Variants in PLCH1 observed in about 807,000 individuals in gnomAD.
PLCH1 encodes phospholipase C eta 1, also known as 1-phosphatidylinositol 4,5-bisphosphate phosphodiesterase eta-1.
PLCH1 carries 60 observed loss-of-function variants against 126.7 expected under a neutral mutation model. The ratio of observed to expected loss-of-function variants is 0.47; its 90% CI spans 0.38 to 0.59. PLCH1 has a LOEUF of 0.59. Ranked by LOEUF, PLCH1 falls within the 20% of genes least tolerant of loss-of-function variation. The probability of loss-of-function intolerance (pLI) is 0.00; values close to 1 mark genes in which losing one functional copy is unlikely to be tolerated. For synonymous variants in PLCH1, 719 were observed against 734.9 expected (o/e 0.98, Z 0.35); for missense variants, 1,723 against 2,040.0 (o/e 0.84, Z 2.99).
At chr3:155,741,684 CTTTTTTT>C (rs71624571) in intron 1 of PLCH1, among the ~76,000 whole-genome samples, 9 of 102,868 alleles carry the variant, frequency 8.7e-5, no homozygotes, top group Admixed American at 2.3e-4. Context: ...TTTATATCCT[CTTTTTTT>C]TTTTTTTTTT....
At chr3:155,583,343 A>T in intron 6 of PLCH1, 129 bp downstream of exon 6, 1 of 684,112 alleles carries the variant, frequency 1.5e-6, no homozygotes, top group Non-Finnish European at 2.4e-6. Flanking sequence ...CATAGATAAG[A>T]TTTTTGTGAA....
At chr3:155,597,656 A>G (rs1206336312) in intron 2 of PLCH1, among the ~76,000 whole-genome samples, 2 of 152,176 alleles carry the variant, frequency 1.3e-5, no homozygotes, top group African/African-American at 4.8e-5. Context: ...TTAACTAGGA[A>G]AGATAATCTC....
Position 155,481,899 on chromosome 3 carries a change from A to G in PLCH1, c.4127T>C (p.Leu1376Pro). The G allele has an allele frequency of 6.2e-7, 1 of 1,614,148 alleles. No homozygotes were observed. Among genetic ancestry groups the G allele is most frequent in the Non-Finnish European group, 8.5e-7 (1 of 1,180,010 alleles). Reference sequence around the variant, plus strand: ...GTACTTGAGTTTTAAAGGAGAAGCAAGTTGACTTGTGCCCTCTCTCCTATA... The same window carrying G: ...GTACTTGAGTTTTAAAGGAGAAGCAGGTTGACTTGTGCCCTCTCTCCTATA... ...CEYRREGTSQ[L>P]ASPLKLKYNQ... Residue 1376 changes from leucine to proline, a missense_variant, in exon 23 of 23, where the codon CTT becomes CCT. Leu to Pro is a moderately conservative substitution (Grantham distance 98). Transcript: ENST00000460012. The surrounding 1 kb of genome is among the most constrained non-coding windows in gnomAD (Gnocchi z 4.2).
intron 2 of PLCH1, among the ~76,000 whole-genome samples, chr3:155,622,462 CT>C (rs1736642166): frequency 6.6e-6 from 1 of 152,106 alleles, no homozygotes; most frequent in South Asian, 2.1e-4. Flanking sequence ...AAGACACAGA[CT>C]GGCAAATTGG....
In PLCH1 at chr3:155,523,396, A is replaced by G. The variant is rs189916387; in HGVS notation, c.1470+501T>C. On this transcript the variant is annotated intron_variant, in intron 11 of 22. Coordinates refer to ENST00000460012, the MANE Select transcript of PLCH1 (RefSeq NM_014996.4). ...GACTTGACAAATTAAAGATTTAGCC[A>G]AGAGGTCCATGTCTGGAAGGGCTTG... Among the ~76,000 whole-genome samples the G allele has an allele frequency of 4.0e-3, 616 of 152,308 alleles. 5 individuals carry two copies. Among genetic ancestry groups the G allele is most frequent in the Non-Finnish European group, 4.4e-3 (297 of 68,026 alleles).
intron 6 of PLCH1, among the ~76,000 whole-genome samples, chr3:155,580,788 A>G (rs1436589385): frequency 6.6e-6 from 1 of 152,186 alleles, no homozygotes; most frequent in Admixed American, 6.5e-5. Context: ...TTCTACCTCA[A>G]AAAGGAAAAA....
intron 2 of PLCH1, among the ~76,000 whole-genome samples, chr3:155,665,913 T>C (rs1742672281): frequency 1.3e-5 from 2 of 152,218 alleles, no homozygotes; most frequent in African/African-American, 4.8e-5. Flanking sequence ...TGTTTAGGCA[T>C]GAAGAAAAAT....
intron 12 of PLCH1, among the ~76,000 whole-genome samples, chr3:155,505,490 C>G (rs560993222): frequency 6.6e-6 from 1 of 152,124 alleles, no homozygotes; most frequent in East Asian, 1.9e-4. Context: ...AGCAGGTAAC[C>G]ACATAAATGG....
intron 1 of PLCH1, among the ~76,000 whole-genome samples, chr3:155,734,074 AAAGT>A (rs1468489135): frequency 2.0e-5 from 3 of 151,582 alleles, no homozygotes; most frequent in Admixed American, 1.3e-4. Context: ...AAAAAGACAA[AAAGT>A]AAGTGCTGGC....
chr3:155,531,094 C>CT (rs397704456), intron 10 of PLCH1, among the ~76,000 whole-genome samples: 1 of 2,508 alleles, frequency 4.0e-4, no homozygotes, highest in Non-Finnish European at 6.4e-3. Flanking sequence ...GTGCTGTCAT[C>CT]AGGCTTTGTT....
intron 21 of PLCH1, among the ~76,000 whole-genome samples, chr3:155,463,706 C>A (rs1302437018): frequency 6.6e-6 from 1 of 152,122 alleles, no homozygotes; most frequent in Non-Finnish European, 1.5e-5. Flanking sequence ...GTTACTCTTA[C>A]ACATGGCAAA....
chr3:155,734,863 C>T (rs1190590826), intron 1 of PLCH1, among the ~76,000 whole-genome samples: 2 of 152,092 alleles, frequency 1.3e-5, no homozygotes, highest in Non-Finnish European at 1.5e-5. Flanking sequence ...CACCCGCCAC[C>T]ACGCCCGGCT....
At chr3:155,588,924 T>G (rs1731734543) in intron 4 of PLCH1, among the ~76,000 whole-genome samples, 1 of 152,178 alleles carries the variant, frequency 6.6e-6, no homozygotes, top group African/African-American at 2.4e-5. Context: ...AACCATTCTT[T>G]CCAGTAACGG....
intron 1 of PLCH1, among the ~76,000 whole-genome samples, chr3:155,730,224 A>G (rs1748663843): frequency 1.3e-5 from 2 of 152,132 alleles, no homozygotes; most frequent in South Asian, 4.1e-4. Flanking sequence ...GAGATGGGAT[A>G]TGAAACCTGA....
chr3:155,622,357 C>T (rs181590064), intron 2 of PLCH1, among the ~76,000 whole-genome samples: 4 of 152,212 alleles, frequency 2.6e-5, no homozygotes, highest in South Asian at 2.1e-4. Context: ...CATCAACTAA[C>T]GGGCAAAATA....
At chr3:155,454,929 C>G (rs1025821209) in intron 21 of PLCH1, among the ~76,000 whole-genome samples, 25 of 152,114 alleles carry the variant, frequency 1.6e-4, no homozygotes, top group Admixed American at 8.5e-4. Flanking sequence ...TTTTACAGGT[C>G]ATAATAAGAT....
chr3:155,662,918 C>T (rs1742337752), intron 2 of PLCH1, among the ~76,000 whole-genome samples: 1 of 152,184 alleles, frequency 6.6e-6, no homozygotes, highest in Non-Finnish European at 1.5e-5. Flanking sequence ...CCCACCTTGG[C>T]CTCCCAAAAT....
intron 2 of PLCH1, among the ~76,000 whole-genome samples, chr3:155,685,034 C>T (rs1265292646): frequency 6.6e-6 from 1 of 152,194 alleles, no homozygotes; most frequent in Non-Finnish European, 1.5e-5. Context: ...GAATGTCTTG[C>T]TCCCTGATGT....
chr3:155,680,892 C>A (rs933598043), intron 2 of PLCH1, among the ~76,000 whole-genome samples: 2 of 152,032 alleles, frequency 1.3e-5, no homozygotes, highest in Non-Finnish European at 2.9e-5. Flanking sequence ...TTAACGATGT[C>A]TGTAAGACAT....
Sources: gnomAD v4.1 joint callset for allele counts (sites outside exome capture counted in the v4.1 genomes callset) on GRCh38, gnomAD v4.1.1 for gene constraint, Gnocchi (gnomAD v3.1) non-coding constraint, MANE v1.5 for transcripts, NCBI Gene and HGNC (gene_info 2026-07-23, HGNC 2026-07-21) for gene names.